The following PBRM1 variants were observed in gnomAD, a reference collection of about 807,000 sequenced individuals.
PBRM1 encodes protein polybromo-1.
In PBRM1, 27 loss-of-function variants were observed where a neutral mutation model predicts 194.5. That is an observed-to-expected ratio of 0.14 (90% confidence interval 0.10 to 0.19). PBRM1 has a LOEUF of 0.19. PBRM1 is among the 10% of genes least tolerant of loss of function. The pLI is 1.00. For missense variants in PBRM1, 1,466 were observed against 2,077.2 expected, an observed-to-expected ratio of 0.71 and a Z score of 5.72; for synonymous variants, 655 against 693.2, an observed-to-expected ratio of 0.94 and a Z score of 0.87.
At chr3:52,546,919 T>C (rs2079752791), downstream of PBRM1, 4 of 233,180 alleles carry the variant, frequency 1.7e-5, no homozygotes, top group Non-Finnish European at 2.5e-5. Flanking sequence ...TTGAGAATTA[T>C]AACAACATTG....
chr3:52,619,306 C>T (rs1375744549), intron 13 of PBRM1, among the ~76,000 whole-genome samples: 2 of 152,208 alleles, frequency 1.3e-5, no homozygotes, highest in Non-Finnish European at 2.9e-5. Context: ...TACATAGATG[C>T]TCAAGTCCCT....
At chr3:52,649,066 G>C (rs977911950) in intron 6 of PBRM1, among the ~76,000 whole-genome samples, 1 of 152,214 alleles carries the variant, frequency 6.6e-6, no homozygotes, top group Non-Finnish European at 1.5e-5. Flanking sequence ...ATGGTCTAGA[G>C]AGAGTAAGGA....
chr3:52,657,866 A>T (rs1044177660), intron 5 of PBRM1, among the ~76,000 whole-genome samples: 1 of 149,508 alleles, frequency 6.7e-6, no homozygotes, highest in South Asian at 2.1e-4. Flanking sequence ...TGGCTCACCC[A>T]CTGCAACCTC....
intron 13 of PBRM1, among the ~76,000 whole-genome samples, chr3:52,619,065 T>C (rs1045867212): frequency 3.3e-5 from 5 of 152,198 alleles, no homozygotes; most frequent in Admixed American, 2.0e-4. Context: ...GGCTAATTTT[T>C]GTATTTTTAG....
chr3:52,553,606 C>T (rs1389791239), intron 27 of PBRM1, among the ~76,000 whole-genome samples: 6 of 150,844 alleles, frequency 4.0e-5, no homozygotes, highest in Non-Finnish European at 7.4e-5. Flanking sequence ...TCTCCCACCT[C>T]AGCCTCCTGA....
At chr3:52,576,691 T>C in exon 22 of PBRM1, 1 of 1,595,804 alleles carries the variant, frequency 6.3e-7, no homozygotes, top group Non-Finnish European at 8.5e-7. Context: ...ACCCATACTT[T>C]TTCAATTCTT....
In PBRM1 at chr3:52,611,160, C is replaced by G. The variant is rs536490943; in HGVS notation, c.1925-1205G>C. Among the ~76,000 whole-genome samples, 6 of 152,098 alleles carry G rather than the reference C, an allele frequency of 3.9e-5. No individual in the cohort carries two copies. The South Asian group carries it at 1.0e-3, about 26-fold the overall frequency. On this transcript the variant is annotated intron_variant, in intron 15 of 29. Transcript: ENST00000296302. ...AAAACAAAATAAAACAAAAATCAAG[C>G]CTTTATCCTTTCAAAAAGCAAGACA...
At chr3:52,635,715 G>C (rs1182881970) in intron 10 of PBRM1, among the ~76,000 whole-genome samples, 1 of 152,216 alleles carries the variant, frequency 6.6e-6, no homozygotes, top group Admixed American at 6.5e-5. Flanking sequence ...TTGCAAAACA[G>C]TTTCTTTCTG....
In PBRM1 at chr3:52,674,483, A is replaced by AG. The variant is rs1255415592; in HGVS notation, c.236+4016_236+4017insC. On this transcript the variant is annotated intron_variant, in intron 2 of 29. Coordinates refer to ENST00000296302, the Ensembl canonical transcript of PBRM1. ...GCCTGGTGCGAAACTCCATCTCAAA[A>AG]AAAAAAAAAAAAAAGAGAGAGAGAG... Among the ~76,000 whole-genome samples the AG allele has an allele frequency of 1.8e-3, 245 of 139,394 alleles. 1 individual carries two copies. The highest frequency in any genetic ancestry group is 5.9e-3 in the African/African-American group (231 of 39,370). The allele number at this position is 139,394 out of a possible 152,430, so 91.4% of individuals were successfully genotyped here. A position where few individuals can be genotyped will look rare whatever the true frequency, so the allele number is the denominator to read the frequency against.
In PBRM1 at chr3:52,617,223, G is replaced by T. The variant is rs146171360; in HGVS notation, c.1818+39C>A. The T allele has an allele frequency of 5.1e-6, 8 of 1,573,310 alleles. No individual in the cohort carries two copies. The South Asian group carries it at 9.2e-5, about 18-fold the overall frequency. ...ATTATTCTATAAGTACCCCTCTCCCGCAAAATGTGCCTACTTCAGGACCGC... is the reference window on the plus strand; with the variant it reads ...ATTATTCTATAAGTACCCCTCTCCCTCAAAATGTGCCTACTTCAGGACCGC... On this transcript the variant is annotated intron_variant, in intron 14 of 29. Transcript: ENST00000296302.
At chr3:52,618,719 C>G (rs2095111295) in intron 13 of PBRM1, among the ~76,000 whole-genome samples, 1 of 151,328 alleles carries the variant, frequency 6.6e-6, no homozygotes, top group African/African-American at 2.4e-5. Context: ...CTCAGCCTTC[C>G]AAGTAGCTGG....
chr3:52,583,058 A>G (rs2091645863), intron 20 of PBRM1, among the ~76,000 whole-genome samples: 1 of 138,476 alleles, frequency 7.2e-6, no homozygotes. Context: ...GATCACGCCA[A>G]TGCACTCCAG....
In PBRM1 at chr3:52,610,023, A is replaced by C. The variant is rs543897897; in HGVS notation, c.1925-68T>G. 50 of 964,984 alleles carry C rather than the reference A, an allele frequency of 5.2e-5. No homozygotes were observed. In the East Asian group the frequency reaches 8.6e-4, roughly 17 times the overall value. 59.8% of individuals were successfully genotyped at this position (964,984 alleles called of 1,614,324 possible). A position where few individuals can be genotyped will look rare whatever the true frequency, so the allele number is the denominator to read the frequency against. ...CCTAAATTTGTATACAGATGGTAGC[A>C]TAACCACAAGGGACGATTCCAAGTA... On this transcript the variant is annotated intron_variant, in intron 15 of 29. Coordinates refer to ENST00000296302, the Ensembl canonical transcript of PBRM1.
At chr3:52,570,056 C>T (rs2086556918) in intron 22 of PBRM1, among the ~76,000 whole-genome samples, 1 of 152,204 alleles carries the variant, frequency 6.6e-6, no homozygotes, top group African/African-American at 2.4e-5. Flanking sequence ...ACTGCAACCT[C>T]CACCTCCCAA....
In PBRM1 at chr3:52,548,967, G is replaced by A. The variant is rs531354857; in HGVS notation, c.4898-732C>T. Among the ~76,000 whole-genome samples, 4 of 151,366 alleles carry A rather than the reference G, an allele frequency of 2.6e-5. No individual in the cohort carries two copies. In the South Asian group the frequency reaches 8.3e-4, roughly 32 times the overall value. On this transcript the variant is annotated intron_variant, in intron 29 of 29. Transcript: ENST00000296302. ...AATACATAAGTATGTTGAACTAAAT[G>A]AATAGCCTAATCGGTTTCTAATATT...
intron 22 of PBRM1, among the ~76,000 whole-genome samples, chr3:52,574,718 G>A (rs2088802888): frequency 6.6e-6 from 1 of 152,200 alleles, no homozygotes; most frequent in Admixed American, 6.5e-5. Context: ...AGGCAAAGCA[G>A]AGTTGTAATC....
At chr3:52,651,924 G>A in intron 5 of PBRM1, 114 bp from the exon 7 acceptor site, 2 of 658,328 alleles carry the variant, frequency 3.0e-6, no homozygotes, top group East Asian at 2.7e-5. Context: ...AGCTTTGTGA[G>A]ATTCAAGACT....
At chr3:52,621,970 CAGA>C (rs1350060298) in intron 13 of PBRM1, among the ~76,000 whole-genome samples, 3 of 152,282 alleles carry the variant, frequency 2.0e-5, no homozygotes, top group African/African-American at 7.2e-5. Context: ...TGTTTGAACC[CAGA>C]AGATCACGGC....
intron 15 of PBRM1, among the ~76,000 whole-genome samples, chr3:52,610,490 C>T (rs1201041282): frequency 1.3e-5 from 2 of 152,160 alleles, no homozygotes; most frequent in African/African-American, 2.4e-5. Flanking sequence ...AATACTAATT[C>T]CAAATAGTAA....
Sources: allele counts gnomAD v4.1 joint callset (sites outside exome capture counted in the v4.1 genomes callset), GRCh38; gene constraint gnomAD v4.1.1; transcripts MANE v1.5; gene names NCBI Gene and HGNC (gene_info 2026-07-23, HGNC 2026-07-21).